The following ERMARD variants were observed in gnomAD, a reference collection of about 807,000 sequenced individuals.
ERMARD encodes endoplasmic reticulum membrane-associated RNA degradation protein.
ERMARD carries 71 observed loss-of-function variants against 83.9 expected under a neutral mutation model. That is an observed-to-expected ratio of 0.85 (90% confidence interval 0.70 to 1.03). ERMARD has a LOEUF of 1.03. ERMARD is among the 50% of genes least tolerant of loss of function. The pLI is 0.00. For synonymous variants in ERMARD, 284 were observed against 298.6 expected, an observed-to-expected ratio of 0.95 and a Z score of 0.50; for missense variants, 838 against 810.9, an observed-to-expected ratio of 1.03 and a Z score of -0.41.
intron 17 of ERMARD, among the ~76,000 whole-genome samples, chr6:169,781,037 G>A (rs1300225292): frequency 1.3e-5 from 2 of 152,200 alleles, no homozygotes; most frequent in Non-Finnish European, 2.9e-5. Flanking sequence ...TGACCCCTAA[G>A]TTCCTTCCTG....
chr6:169,759,409 C>T (rs559648475), intron 6 of ERMARD, among the ~76,000 whole-genome samples: 1 of 152,092 alleles, frequency 6.6e-6, no homozygotes, highest in Admixed American at 6.6e-5. Context: ...ATTCCTACAT[C>T]GAGAGAATTT....
In ERMARD at chr6:169,776,433, C is replaced by G. The variant is rs771805632; in HGVS notation, c.1521-22C>G. On this transcript the variant is annotated intron_variant, in intron 15 of 17. Coordinates refer to ENST00000366773, the MANE Select transcript of ERMARD (RefSeq NM_018341.3). The stretch of plus-strand genomic sequence containing the variant: ...CCAGGTGAGGATCATGATGCCTGCT[C>G]CAAGTCTGGCTCTGTTTGCAGGTGG... 3 of 1,608,252 alleles carry G rather than the reference C, an allele frequency of 1.9e-6. No homozygotes were observed. In the East Asian group the frequency reaches 6.7e-5, roughly 36 times the overall value.
chr6:169,752,064 A>G (rs1489735718), intron 1 of ERMARD: 1 of 225,472 alleles, frequency 4.4e-6, no homozygotes, highest in African/African-American at 2.3e-5. Flanking sequence ...CTCGGACAGT[A>G]AATTTGTGTT....
At chr6:169,773,040 A>G (rs985629883) in intron 12 of ERMARD, 63 of 357,960 alleles carry the variant, frequency 1.8e-4, no homozygotes, top group Non-Finnish European at 2.8e-4. Flanking sequence ...AATTGTTTGG[A>G]ATCTTTTTTT....
rs117593791 is a variant in ERMARD at position 169,781,452 on chromosome 6, G to T, written c.1976G>T (p.Ser659Ile). The stretch of plus-strand genomic sequence containing the variant: ...GCTTTGTTGAAAATGTGGACTTTTA[G>T]TGAGAAGAAACAAATGTTAATACAT... ...HTALLKMWTF[S>I]EKKQMLIHLA... The change falls in exon 18 of 18, where the codon AGT becomes ATT. Residue 659 changes from serine (S) to isoleucine (I), a missense_variant. Transcript: ENST00000366773. The T allele has an allele frequency of 1.3e-3, 2,061 of 1,611,692 alleles. 1 individual carries two copies. Among genetic ancestry groups the T allele is most frequent in the Non-Finnish European group, 1.7e-3 (1,951 of 1,179,178 alleles).
intron 10 of ERMARD, 122 bp downstream of exon 10, chr6:169,766,789 T>C (rs960180656): frequency 4.5e-6 from 5 of 1,117,628 alleles, no homozygotes; most frequent in Non-Finnish European, 6.0e-6. Flanking sequence ...AAAATGTCCA[T>C]AGTAATATAA....
intron 9 of ERMARD, among the ~76,000 whole-genome samples, chr6:169,765,664 G>C (rs1214410714): frequency 1.3e-5 from 2 of 152,220 alleles, no homozygotes; most frequent in East Asian, 1.9e-4. Flanking sequence ...ACAGATTTTA[G>C]AGTCATCTGT....
rs200514757 is a variant in ERMARD at position 169,762,511 on chromosome 6, A to G, written c.940A>G (p.Lys314Glu). 246 of 1,613,998 alleles carry G rather than the reference A, an allele frequency of 1.5e-4. No homozygotes were observed. Among genetic ancestry groups the G allele is most frequent in the Non-Finnish European group, 2.0e-4 (241 of 1,179,938 alleles). The change falls in exon 9 of 18, where the codon AAA (lysine) becomes GAA (glutamate). Residue 314 changes from lysine to glutamate, a missense_variant. Transcript: ENST00000366773. Reference sequence around the variant, plus strand: ...TTTTGCCACACTTAACAGATGTCCAAAAAGACTCCTGACTGCTGAGGTAAG... The same window carrying G: ...TTTTGCCACACTTAACAGATGTCCAGAAAGACTCCTGACTGCTGAGGTAAG... Reference protein sequence around the residue: ...NVFATLNRCPKRLLTAESTAL... With the variant: ...NVFATLNRCPERLLTAESTAL...
chr6:169,771,919 C>G (rs1252089749), intron 12 of ERMARD: 1 of 141,546 alleles, frequency 7.1e-6, no homozygotes, highest in Non-Finnish European at 1.6e-5. Flanking sequence ...GCCTGTAGTC[C>G]TGAGAATAGC....
At chr6:169,764,604 G>A (rs915283126) in intron 9 of ERMARD, among the ~76,000 whole-genome samples, 11 of 151,934 alleles carry the variant, frequency 7.2e-5, no homozygotes, top group South Asian at 2.1e-4. Context: ...ATATTCTTAC[G>A]TTATTTATGG....
intron 12 of ERMARD, chr6:169,770,666 C>G (rs1350095168): frequency 6.6e-6 from 1 of 152,062 alleles, no homozygotes; most frequent in Non-Finnish European, 1.5e-5. Flanking sequence ...GTCACCCAGG[C>G]TGGAGTGCAG....
intron 13 of ERMARD, among the ~76,000 whole-genome samples, chr6:169,773,654 G>A (rs939326067): frequency 6.6e-6 from 1 of 152,226 alleles, no homozygotes; most frequent in African/African-American, 2.4e-5. Context: ...TTAAATGGAT[G>A]AGCACTGGGA....
chr6:169,760,329 C>G (rs1396892640), intron 7 of ERMARD, among the ~76,000 whole-genome samples: 1 of 152,200 alleles, frequency 6.6e-6, no homozygotes, highest in Non-Finnish European at 1.5e-5. Flanking sequence ...GCCAGAAATA[C>G]TTGTAGTAAT....
intron 17 of ERMARD, 109 bp downstream of exon 17, chr6:169,779,404 G>A: frequency 1.1e-6 from 1 of 909,804 alleles, no homozygotes; most frequent in Non-Finnish European, 1.8e-6. Flanking sequence ...CCCCTTGGTG[G>A]CCCCACCGCC....
intron 15 of ERMARD, 64 bp from the exon 16 acceptor site, chr6:169,776,391 C>T (rs915872411): frequency 6.4e-7 from 1 of 1,572,458 alleles, no homozygotes; most frequent in Non-Finnish European, 8.6e-7. Flanking sequence ...CTTGCAGGTG[C>T]AGAAGGAGAG....
chr6:169,773,423 C>T (rs779839232), intron 13 of ERMARD, 21 bp downstream of exon 13: 17 of 1,611,966 alleles, frequency 1.1e-5, no homozygotes, highest in African/African-American at 2.7e-5. Context: ...TGCAGGGTCC[C>T]GGGAGGGGCG....
intron 7 of ERMARD, 27 bp downstream of exon 7, chr6:169,760,001 T>G: frequency 1.9e-6 from 3 of 1,613,826 alleles, no homozygotes; most frequent in Non-Finnish European, 2.5e-6. Context: ...ACATTTTTCC[T>G]TATAGCTTTG....
At chr6:169,767,821 A>C (rs1792411974) in intron 10 of ERMARD, 5 of 432,842 alleles carry the variant, frequency 1.2e-5, no homozygotes, top group Non-Finnish European at 1.7e-5. Context: ...ACACACCCCC[A>C]CACCACATAT....
chr6:169,757,213 A>G (rs981049015), intron 5 of ERMARD, among the ~76,000 whole-genome samples: 1 of 152,184 alleles, frequency 6.6e-6, no homozygotes, highest in Non-Finnish European at 1.5e-5. Context: ...CAAAACAACA[A>G]TTCACATATG....
Sources: allele counts gnomAD v4.1 joint callset (sites outside exome capture counted in the v4.1 genomes callset), GRCh38; gene constraint gnomAD v4.1.1; transcripts MANE v1.5; gene names NCBI Gene and HGNC (gene_info 2026-07-23, HGNC 2026-07-21).